Variants in CADPS observed in about 807,000 individuals in gnomAD.
CADPS encodes the protein calcium-dependent secretion activator 1.
In CADPS, 57 loss-of-function variants were observed where a neutral mutation model predicts 167.3. The ratio of observed to expected loss-of-function variants is 0.34; its 90% CI spans 0.28 to 0.42. The LOEUF (loss-of-function observed/expected upper bound fraction) is 0.42. CADPS is among the 20% of genes least tolerant of loss of function. The probability of loss-of-function intolerance (pLI) is 1.00; values close to 1 mark genes in which losing one functional copy is unlikely to be tolerated. For missense variants in CADPS, 1,414 were observed against 1,738.1 expected (o/e 0.81, Z 3.32); for synonymous variants, 676 against 635.3 (o/e 1.06, Z -0.96).
chr3:62,440,933 G>T (rs1031315535), intron 27 of CADPS: 2 of 152,184 alleles, frequency 1.3e-5, no homozygotes, highest in Non-Finnish European at 2.9e-5. Flanking sequence ...AGCCACTGGG[G>T]AAAGACATGG....
At chr3:62,486,404 C>T (rs2150966268) in intron 21 of CADPS, among the ~76,000 whole-genome samples, 1 of 142,394 alleles carries the variant, frequency 7.0e-6, no homozygotes, top group South Asian at 2.2e-4. Flanking sequence ...AAGACAGCAC[C>T]ACTGCACTCC....
intron 10 of CADPS, among the ~76,000 whole-genome samples, chr3:62,555,599 T>G (rs1053431664): frequency 1.3e-5 from 2 of 152,208 alleles, no homozygotes; most frequent in African/African-American, 2.4e-5. Flanking sequence ...TTTGTGGGAT[T>G]ACCCTGAGGG....
intron 13 of CADPS, among the ~76,000 whole-genome samples, chr3:62,530,266 T>C (rs2073347977): frequency 1.3e-5 from 2 of 152,206 alleles, no homozygotes; most frequent in African/African-American, 2.4e-5. Context: ...CTTATGCCAA[T>C]CTATTTTATT....
intron 3 of CADPS, among the ~76,000 whole-genome samples, chr3:62,697,506 T>C (rs35245542): frequency 0.079 from 12,077 of 152,184 alleles, 631 homozygotes; most frequent in Non-Finnish European, 0.12. Context: ...CACTTGTTGA[T>C]TGATGGACTT....
intron 1 of CADPS, among the ~76,000 whole-genome samples, chr3:62,852,227 C>A (rs939844683): frequency 6.6e-6 from 1 of 151,406 alleles, no homozygotes; most frequent in African/African-American, 2.4e-5. Flanking sequence ...TGAATGTCCT[C>A]CCGTAGCTCA....
Position 62,482,600 on chromosome 3 carries a change from C to G in CADPS, c.3027-731G>C, listed in dbSNP as rs564147982. On this transcript the variant is annotated intron_variant, in intron 21 of 29. Transcript: ENST00000383710. Reference sequence around the variant, plus strand: ...AATGTTTACACACAGAAACAGACACCAAGGAAATGAAAACAATCCCCAATT... The same window carrying G: ...AATGTTTACACACAGAAACAGACACGAAGGAAATGAAAACAATCCCCAATT... Among the ~76,000 whole-genome samples the G allele has an allele frequency of 1.7e-3, 265 of 152,178 alleles. 2 individuals carry two copies. Among genetic ancestry groups the G allele is most frequent in the African/African-American group, 5.9e-3 (245 of 41,498 alleles).
chr3:62,465,263 C>T lies in CADPS; in HGVS notation c.3636+104G>A, dbSNP rs1198532672. On this transcript the variant is annotated intron_variant, in intron 26 of 29. Coordinates refer to ENST00000383710, the MANE Select transcript of CADPS (RefSeq NM_003716.4). The surrounding 1 kb of genome is among the most constrained non-coding windows in gnomAD (Gnocchi z 4.1). Reference sequence around the variant, plus strand: ...TTATACAATAGTTGACTATAATTAACACACACACCCATCCCAAAACAAAAT... The same window carrying T: ...TTATACAATAGTTGACTATAATTAATACACACACCCATCCCAAAACAAAAT... 2 of 731,438 alleles carry T rather than the reference C, an allele frequency of 2.7e-6. No individual in the cohort carries two copies. Among genetic ancestry groups the T allele is most frequent in the East Asian group, 2.5e-5 (1 of 39,994 alleles). 45.3% of individuals were successfully genotyped at this position (731,438 alleles called of 1,614,324 possible).
At chr3:62,540,194 C>A (rs2152086745) in intron 11 of CADPS, among the ~76,000 whole-genome samples, 1 of 152,206 alleles carries the variant, frequency 6.6e-6, no homozygotes, top group African/African-American at 2.4e-5. Flanking sequence ...TAAACCTTAT[C>A]ATTTCTAGGA....
intron 6 of CADPS, among the ~76,000 whole-genome samples, chr3:62,628,000 T>A (rs1046400071): frequency 5.3e-5 from 8 of 152,168 alleles, no homozygotes; most frequent in Admixed American, 5.2e-4. Flanking sequence ...GCAGGTGAAA[T>A]TTTCATAGTA....
chr3:62,404,177 A>G (rs1575573836), intron 28 of CADPS: 2 of 152,520 alleles, frequency 1.3e-5, no homozygotes, highest in East Asian at 3.9e-4. Flanking sequence ...GTGTGGATGG[A>G]CCTATATATT....
chr3:62,647,446 A>C (rs1407596233), intron 5 of CADPS, among the ~76,000 whole-genome samples: 2 of 152,098 alleles, frequency 1.3e-5, no homozygotes, highest in Non-Finnish European at 2.9e-5. Context: ...TTTTTCTAAC[A>C]ATTTTCCTGG....
At chr3:62,588,872 T>C (rs563888020) in intron 7 of CADPS, among the ~76,000 whole-genome samples, 1 of 152,316 alleles carries the variant, frequency 6.6e-6, no homozygotes, top group South Asian at 2.1e-4. Flanking sequence ...AGCTTCCAAC[T>C]GTGCTTTTTT....
At chr3:62,803,946 A>T (rs2093932458) in intron 1 of CADPS, among the ~76,000 whole-genome samples, 1 of 151,762 alleles carries the variant, frequency 6.6e-6, no homozygotes, top group African/African-American at 2.4e-5. Flanking sequence ...CTTCCTAGGT[A>T]CCCTTTCCCA....
chr3:62,492,125 G>C (rs2063845105), intron 20 of CADPS, among the ~76,000 whole-genome samples, 165 bp downstream of exon 20: 1 of 152,094 alleles, frequency 6.6e-6, no homozygotes, highest in Admixed American at 6.5e-5. Context: ...TGGAAGAAAG[G>C]GAATACCCTT....
chr3:62,729,835 G>T (rs970877071), intron 3 of CADPS, among the ~76,000 whole-genome samples: 2 of 151,746 alleles, frequency 1.3e-5, no homozygotes, highest in African/African-American at 4.9e-5. Flanking sequence ...CATTAGTGCT[G>T]CCTGCCAAGT....
At chr3:62,701,134 C>T (rs773110921) in intron 3 of CADPS, among the ~76,000 whole-genome samples, 1 of 152,020 alleles carries the variant, frequency 6.6e-6, no homozygotes, top group Non-Finnish European at 1.5e-5. Flanking sequence ...CTGAACGTTA[C>T]GATTTCAACA....
At position 62,465,437 on chromosome 3, in the gene CADPS, A is replaced by G; in HGVS notation, c.3566T>C (p.Leu1189Ser). Residue 1189 changes from leucine (L) to serine (S), a missense_variant, in exon 26 of 30, where the codon TTG becomes TCG. Physicochemically the swap from Leu to Ser is moderately radical, Grantham distance 145. This residue lies in a region of CADPS where 185 missense variants were observed against 251.5 expected (regional missense o/e 0.74). Coordinates refer to ENST00000383710, the MANE Select transcript of CADPS (RefSeq NM_003716.4). This position sits in a 1 kb window ranked among gnomAD's most constrained non-coding sequence, Gnocchi z 4.1. Reference protein sequence around the residue: ...TLLVAKFVTILEGVLAKLSRY... With the variant: ...TLLVAKFVTISEGVLAKLSRY... ...GGATAATTTTGCCAGCACTCCTTCC[A>G]AGATAGTAACGAACTAGAAAAACAG... 1.2e-6 allele frequency: 2 copies of G among 1,606,618 alleles called. No homozygotes were observed. Among genetic ancestry groups the G allele is most frequent in the Non-Finnish European group, 1.7e-6 (2 of 1,176,918 alleles).
chr3:62,444,533 G>C (rs62243939), intron 27 of CADPS, among the ~76,000 whole-genome samples: 17 of 152,200 alleles, frequency 1.1e-4, no homozygotes, highest in Non-Finnish European at 2.1e-4. Context: ...GCTTGAGAAA[G>C]TAAATTACTT....
In CADPS at chr3:62,518,195, T is replaced by C. The variant is rs142653808; in HGVS notation, c.2347A>G (p.Lys783Glu). 1.2e-6 allele frequency: 2 copies of C among 1,612,922 alleles called. No homozygotes were observed. The highest frequency in any genetic ancestry group is 1.7e-6 in the Non-Finnish European group (2 of 1,179,564). ...VEEKERFEEI[K>E]ERLRVLLENQ... ...TCTAGCAGAACTCGGAGCCTCTCTT[T>C]GATTTCTTCAAAACGTTCCTTTTCT... The change falls in exon 14 of 30, where the codon AAA (lysine) becomes GAA (glutamate). Residue 783 changes from lysine to glutamate, a missense_variant. Around this residue, in one of 6 missense-constraint regions of CADPS, gnomAD observed 529 missense variants for 629.6 expected, o/e 0.84. Coordinates refer to ENST00000383710, the MANE Select transcript of CADPS (RefSeq NM_003716.4).
Sources: gnomAD v4.1 joint callset for allele counts (sites outside exome capture counted in the v4.1 genomes callset) on GRCh38, gnomAD v4.1.1 for gene constraint, gnomAD v4.1.1 regional missense constraint, Gnocchi (gnomAD v3.1) non-coding constraint, MANE v1.5 for transcripts, NCBI Gene and HGNC (gene_info 2026-07-23, HGNC 2026-07-21) for gene names.